Variants in KLHL2 observed in about 807,000 individuals in gnomAD.
KLHL2 encodes kelch like family member 2, also known as kelch-like protein 2.
KLHL2 carries 15 observed loss-of-function variants against 75.8 expected under a neutral mutation model. The ratio of observed to expected loss-of-function variants is 0.20; its 90% confidence interval spans 0.13 to 0.30. The LOEUF (loss-of-function observed/expected upper bound fraction) is 0.30, where lower values mean the gene tolerates loss of function less well. Ranked by LOEUF, KLHL2 falls within the 10% of genes least tolerant of loss-of-function variation. KLHL2 has a pLI of 1.00. For missense variants in KLHL2, 381 were observed against 741.0 expected (o/e 0.51, Z 5.64); for synonymous variants, 214 against 251.9 (o/e 0.85, Z 1.42).
chr4:165,274,496 C>T (rs1308819420), intron 5 of KLHL2, among the ~76,000 whole-genome samples: 1 of 151,806 alleles, frequency 6.6e-6, no homozygotes, highest in East Asian at 1.9e-4. Context: ...GTAGTCCCAG[C>T]TATTTGGGAG....
chr4:165,310,602 C>T lies in KLHL2; in HGVS notation c.1089C>T (p.Gly363=), dbSNP rs1167950000. 1.2e-6 allele frequency: 2 copies of T among 1,614,006 alleles called. No individual in the cohort carries two copies. The highest frequency in any genetic ancestry group is 1.1e-5 in the South Asian group (1 of 91,072). Reference sequence around the variant, plus strand: ...TTTTTGCTGTTGGTGGCTTTAATGGCTCATTAAGAGTTCGCACTGTAGATT... The same window carrying T: ...TTTTTGCTGTTGGTGGCTTTAATGGTTCATTAAGAGTTCGCACTGTAGATT... ...GLVFAVGGFN[G]SLRVRTVDSY... Residue 363 remains glycine, a synonymous_variant, in exon 10 of 15, where the codon GGC becomes GGT. Transcript: ENST00000226725.
chr4:165,258,309 T>C (rs1741351405), intron 4 of KLHL2, among the ~76,000 whole-genome samples: 1 of 151,634 alleles, frequency 6.6e-6, no homozygotes, highest in Non-Finnish European at 1.5e-5. Flanking sequence ...TAACAAAATT[T>C]AGGGCAGAAT....
chr4:165,308,763 G>A (rs921009578), intron 9 of KLHL2, among the ~76,000 whole-genome samples: 1 of 152,180 alleles, frequency 6.6e-6, no homozygotes, highest in East Asian at 1.9e-4. Context: ...CCTGGAGTTA[G>A]TTATGATTTT....
chr4:165,268,517 C>T (rs550478871), intron 5 of KLHL2, among the ~76,000 whole-genome samples: 2 of 152,152 alleles, frequency 1.3e-5, no homozygotes, highest in Admixed American at 6.6e-5. Flanking sequence ...ATTCTGTCTT[C>T]GTTTTCAGTG....
At chr4:165,277,434 GT>G (rs1269896385) in intron 5 of KLHL2, among the ~76,000 whole-genome samples, 10 of 152,180 alleles carry the variant, frequency 6.6e-5, no homozygotes, top group Non-Finnish European at 2.9e-5. Flanking sequence ...TAATAATTTA[GT>G]AGATATTTCT....
Position 165,207,952 on chromosome 4 carries a change from G to A in KLHL2, c.26+50G>A. The A allele has an allele frequency of 7.8e-7, 1 of 1,285,270 alleles. No individual in the cohort carries two copies. The highest frequency in any genetic ancestry group is 3.5e-5 in the East Asian group (1 of 28,640). 79.6% of individuals were successfully genotyped at this position (1,285,270 alleles called of 1,614,324 possible). ...CGCCGCTGCGGATAAGCGCGCCGCT[G>A]CGGCGCGTGTCGCCGGCCGCGGGCG... On this transcript the variant is annotated intron_variant, in intron 1 of 14. Transcript: ENST00000226725. The surrounding 1 kb of genome is among the most constrained non-coding windows in gnomAD (Gnocchi z 4.2).
intron 5 of KLHL2, among the ~76,000 whole-genome samples, chr4:165,292,590 C>T (rs1254649930): frequency 6.6e-6 from 1 of 152,090 alleles, no homozygotes; most frequent in Non-Finnish European, 1.5e-5. Context: ...ACCTTGGCCT[C>T]CCAGAGTGCT....
intron 4 of KLHL2, among the ~76,000 whole-genome samples, chr4:165,244,694 A>G (rs1740109346): frequency 1.3e-5 from 2 of 152,222 alleles, no homozygotes; most frequent in South Asian, 4.1e-4. Flanking sequence ...AATAGAGTAT[A>G]TACTTAGACT....
chr4:165,286,911 T>G (rs1579124617), intron 5 of KLHL2, among the ~76,000 whole-genome samples: 1 of 152,334 alleles, frequency 6.6e-6, no homozygotes, highest in South Asian at 2.1e-4. Flanking sequence ...AGTAGTTGGA[T>G]CTAGTTGCTT....
intron 9 of KLHL2, among the ~76,000 whole-genome samples, chr4:165,306,965 T>C (rs1468349341): frequency 3.3e-5 from 5 of 152,234 alleles, no homozygotes; most frequent in African/African-American, 4.8e-5. Context: ...GCCAAAGTTA[T>C]CTATATGTGC....
chr4:165,309,890 C>A (rs1171661673), intron 9 of KLHL2, among the ~76,000 whole-genome samples: 1 of 152,058 alleles, frequency 6.6e-6, no homozygotes, highest in Non-Finnish European at 1.5e-5. Context: ...CTAAGAATAT[C>A]CACTAGAAGA....
intron 4 of KLHL2, among the ~76,000 whole-genome samples, chr4:165,242,051 A>G (rs771807749): frequency 1.1e-4 from 16 of 151,864 alleles, no homozygotes; most frequent in Non-Finnish European, 1.5e-5. Flanking sequence ...AAGTTTGGAT[A>G]TTTGGTTTTA....
intron 12 of KLHL2, 73 bp downstream of exon 12, chr4:165,313,439 G>C: frequency 7.6e-7 from 1 of 1,314,556 alleles, no homozygotes; most frequent in African/African-American, 1.5e-5. Flanking sequence ...TGATTCAGTG[G>C]CATCACTTTA....
In KLHL2 at chr4:165,207,827, G is replaced by C; in HGVS notation, c.-50G>C. 1 of 1,431,138 alleles carries C rather than the reference G, an allele frequency of 7.0e-7. No homozygotes were observed. Among genetic ancestry groups the C allele is most frequent in the Non-Finnish European group, 9.2e-7 (1 of 1,082,254 alleles). 88.7% of individuals were successfully genotyped at this position (1,431,138 alleles called of 1,614,324 possible). A position where few individuals can be genotyped will look rare whatever the true frequency, so the allele number is the denominator to read the frequency against. ...TGCCGGCGTCCGCGGCTGGAATGGTGCTGGCTGTGTTGGTCGGTGCCTGCG... is the reference window on the plus strand; with the variant it reads ...TGCCGGCGTCCGCGGCTGGAATGGTCCTGGCTGTGTTGGTCGGTGCCTGCG... On this transcript the variant is annotated 5_prime_UTR_variant, in exon 1 of 15. Coordinates refer to ENST00000226725, the MANE Select transcript of KLHL2 (RefSeq NM_007246.4). This position sits in a 1 kb window ranked among gnomAD's most constrained non-coding sequence, Gnocchi z 4.2.
intron 5 of KLHL2, among the ~76,000 whole-genome samples, chr4:165,267,194 AG>A (rs1328624344): frequency 1.3e-5 from 2 of 152,202 alleles, no homozygotes; most frequent in African/African-American, 2.4e-5. Context: ...GTTGCTTATC[AG>A]CTTAAGGATA....
intron 6 of KLHL2, among the ~76,000 whole-genome samples, chr4:165,297,177 GT>G (rs1744974489): frequency 6.6e-6 from 1 of 151,884 alleles, no homozygotes; most frequent in African/African-American, 2.4e-5. Flanking sequence ...ATTATGTATT[GT>G]AAAAAATAAT....
intron 4 of KLHL2, among the ~76,000 whole-genome samples, chr4:165,248,152 G>C (rs1249064660): frequency 6.6e-6 from 1 of 152,172 alleles, no homozygotes; most frequent in East Asian, 1.9e-4. Flanking sequence ...AAAGTCTAGA[G>C]CAAGACTACA....
chr4:165,323,142 ATAT>A (rs1371778174), exon 15 of KLHL2: 30 of 152,596 alleles, frequency 2.0e-4, no homozygotes, highest in African/African-American at 7.2e-4. Flanking sequence ...AAAAGTTTGT[ATAT>A]TATTTGTTTC....
chr4:165,218,695 G>A lies in KLHL2; in HGVS notation c.27-1239G>A, dbSNP rs533634988. Among the ~76,000 whole-genome samples the A allele has an allele frequency of 2.0e-5, 3 of 152,274 alleles. No homozygotes were observed. In the South Asian group the frequency reaches 6.2e-4, roughly 32 times the overall value. ...CTGATATATTCCAAGTGCCTTAAGA[G>A]TAGTGATTGGTACATGGTTGGTACT... On this transcript the variant is annotated intron_variant, in intron 1 of 14. Coordinates refer to ENST00000226725, the MANE Select transcript of KLHL2 (RefSeq NM_007246.4).
Sources: allele counts gnomAD v4.1 joint callset (sites outside exome capture counted in the v4.1 genomes callset), GRCh38; gene constraint gnomAD v4.1.1; non-coding constraint Gnocchi (gnomAD v3.1); transcripts MANE v1.5; gene names NCBI Gene and HGNC (gene_info 2026-07-23, HGNC 2026-07-21).